The following LTO1 variants were observed in gnomAD, a reference collection of about 807,000 sequenced individuals.
LTO1 encodes the protein protein LTO1 homolog.
In LTO1, 18 loss-of-function variants were observed where a neutral mutation model predicts 19.8. The observed-to-expected ratio is 0.91, with a 90% CI of 0.63 to 1.35. The LOEUF is 1.35. LTO1 is among the 40% of genes most tolerant of loss of function. LTO1 has a pLI of 0.00. For synonymous variants in LTO1, 59 were observed against 59.6 expected (o/e 0.99, Z 0.05); for missense variants, 175 against 167.9 (o/e 1.04, Z -0.23).
At chr11:69,669,744 C>T (rs1289826346) in intron 3 of LTO1, among the ~76,000 whole-genome samples, 2 of 152,174 alleles carry the variant, frequency 1.3e-5, no homozygotes, top group South Asian at 2.1e-4. Flanking sequence ...TGCTCAGCCC[C>T]GGTGCGCGCT....
At chr11:69,671,722 G>A in intron 3 of LTO1, 27 bp downstream of exon 3, 1 of 1,369,854 alleles carries the variant, frequency 7.3e-7, no homozygotes, top group Non-Finnish European at 1.0e-6. Context: ...TTCCTACGCT[G>A]AGAAAGAAAG....
At chr11:69,668,880 T>TA (rs1430791311) in intron 3 of LTO1, among the ~76,000 whole-genome samples, 12 of 151,596 alleles carry the variant, frequency 7.9e-5, no homozygotes, top group Non-Finnish European at 1.3e-4. Context: ...ATACAAAAAT[T>TA]AGATGGGCGT....
intron 2 of LTO1, 161 bp from the exon 3 acceptor site, chr11:69,671,980 A>T (rs376558249): frequency 8.3e-6 from 5 of 604,428 alleles, no homozygotes; most frequent in African/African-American, 7.4e-5. Flanking sequence ...AAATTAGGAA[A>T]TTAGGTCATC....
intron 3 of LTO1, among the ~76,000 whole-genome samples, chr11:69,669,948 C>G (rs1856085118): frequency 6.6e-6 from 1 of 152,022 alleles, no homozygotes; most frequent in Admixed American, 6.5e-5. Flanking sequence ...CTCTTAACAT[C>G]CTTATTTGGA....
intron 3 of LTO1, 132 bp from the exon 4 acceptor site, chr11:69,668,144 T>G: frequency 1.5e-6 from 1 of 659,920 alleles, no homozygotes; most frequent in Admixed American, 2.3e-5. Context: ...GCTGGATGAT[T>G]ATTTTCTCAT....
At chr11:69,673,392 C>T in intron 1 of LTO1, 71 bp from the exon 2 acceptor site, 1 of 1,039,924 alleles carries the variant, frequency 9.6e-7, no homozygotes, top group South Asian at 1.3e-5. Flanking sequence ...ACTTCTCTCT[C>T]TTGTATTACC....
Position 69,667,417 on chromosome 11 carries a change from G to T in LTO1, c.*102C>A. The T allele has an allele frequency of 1.2e-6, 1 of 813,974 alleles. No homozygotes were observed. The highest frequency in any genetic ancestry group is 2.1e-6 in the Non-Finnish European group (1 of 472,380). 50.4% of individuals were successfully genotyped at this position (813,974 alleles called of 1,614,324 possible). A position where few individuals can be genotyped will look rare whatever the true frequency, so the allele number is the denominator to read the frequency against. Reference sequence around the variant, plus strand: ...GAACCGGAACCCTCACCCTCCCAATGAACAACTGCCTTCCCAGCACCGTCT... The same window carrying T: ...GAACCGGAACCCTCACCCTCCCAATTAACAACTGCCTTCCCAGCACCGTCT... On this transcript the variant is annotated 3_prime_UTR_variant, in exon 5 of 5. Coordinates refer to ENST00000279147, the MANE Select transcript of LTO1 (RefSeq NM_153451.3).
chr11:69,670,071 C>T (rs1194245824), intron 3 of LTO1, among the ~76,000 whole-genome samples: 7 of 151,270 alleles, frequency 4.6e-5, no homozygotes, highest in East Asian at 3.9e-4. Flanking sequence ...CACTGCTCTA[C>T]AATAAAGCCT....
intron 3 of LTO1, among the ~76,000 whole-genome samples, chr11:69,668,725 G>A (rs367939730): frequency 4.0e-5 from 6 of 151,466 alleles, no homozygotes; most frequent in South Asian, 2.1e-4. Context: ...AGACTTTCAA[G>A]AGGATTAAAT....
At chr11:69,674,055 A>C (rs968214225) in intron 1 of LTO1, among the ~76,000 whole-genome samples, 1 of 151,888 alleles carries the variant, frequency 6.6e-6, no homozygotes, top group African/African-American at 2.4e-5. Context: ...GGGTTTCACC[A>C]TGTTAGCTAG....
rs1453469102 is a variant in LTO1, at chr11:69,665,904, C to T, written c.*1615G>A. On this transcript the variant is annotated 3_prime_UTR_variant, in exon 5 of 5. Transcript: ENST00000279147. ...GAGTGGTGGCTCATGCCTGCAATTC[C>T]AGCACTTTGGTAGGTGGACGTGGGT... 6.6e-6 allele frequency: 1 copy of T among 152,178 alleles called. No homozygotes were observed. The highest frequency in any genetic ancestry group is 6.5e-5 in the Admixed American group (1 of 15,268). 9.4% of individuals were successfully genotyped at this position (152,178 alleles called of 1,614,324 possible).
chr11:69,668,266 A>G (rs2119836530), intron 3 of LTO1: 1 of 405,994 alleles, frequency 2.5e-6, no homozygotes, highest in Non-Finnish European at 4.5e-6. Flanking sequence ...CCACGGGGCC[A>G]AGGGGCTGAG....
intron 1 of LTO1, among the ~76,000 whole-genome samples, chr11:69,674,395 C>G (rs1789164): frequency 0.72 from 109,126 of 152,172 alleles, 39,889 homozygotes; most frequent in East Asian, 0.9. Context: ...AGTGGAACTG[C>G]CACTATCTTA....
chr11:69,667,778 G>C (rs1185926679), intron 4 of LTO1, 117 bp downstream of exon 4: 4 of 741,212 alleles, frequency 5.4e-6, no homozygotes, highest in African/African-American at 5.2e-5. Flanking sequence ...TCTACGGACA[G>C]TTCCGCGGCG....
chr11:69,667,545 C>A lies in LTO1; in HGVS notation c.388G>T (p.Ala130Ser). Residue 130 changes from alanine to serine, a missense_variant, in exon 5 of 5, where the codon GCA becomes TCA. Transcript: ENST00000279147. ...LNVQPDFKIS[A>S]EGSGLSF ...CAAAATGAAAGTCCGGAACCTTCTG[C>A]ACTAATTTTAAAGTCTGGCTGAACA... The A allele has an allele frequency of 6.2e-7, 1 of 1,611,554 alleles. No homozygotes were observed. Among genetic ancestry groups the A allele is most frequent in the Non-Finnish European group, 8.5e-7 (1 of 1,177,594 alleles).
At chr11:69,670,919 G>C (rs1434196857) in intron 3 of LTO1, among the ~76,000 whole-genome samples, 1 of 151,586 alleles carries the variant, frequency 6.6e-6, no homozygotes. Flanking sequence ...GTTTGTTTTT[G>C]AGAAGGAGTT....
rs553410925 is a variant in LTO1 at position 69,675,026 on chromosome 11, C to A, written c.50+164G>T. The A allele has an allele frequency of 1.1e-5, 8 of 704,818 alleles. No individual in the cohort carries two copies. The Admixed American group carries it at 1.3e-4, about 11-fold the overall frequency. The allele number at this position is 704,818 out of a possible 1,614,324, so 43.7% of individuals were successfully genotyped here. On this transcript the variant is annotated intron_variant, in intron 1 of 4. Coordinates refer to ENST00000279147, the MANE Select transcript of LTO1 (RefSeq NM_153451.3). ...GCGGGCCAGGAGAAGAGGACCAGAG[C>A]ATCAGGCCCACACTTGTCCCTGCGT...
rs1486109720 is a variant in LTO1, at chr11:69,665,941, G to C, written c.*1578C>G. 6.6e-6 allele frequency: 1 copy of C among 152,164 alleles called. No homozygotes were observed. The highest frequency in any genetic ancestry group is 2.4e-5 in the African/African-American group (1 of 41,434). 9.4% of individuals were successfully genotyped at this position (152,164 alleles called of 1,614,324 possible). On this transcript the variant is annotated 3_prime_UTR_variant, in exon 5 of 5. Transcript: ENST00000279147. ...AGGTGGACGTGGGTGGATCATTTCA[G>C]GCTGGGAGTTCAAGACCAGCCTGGC...
Position 69,675,283 on chromosome 11 carries a change from C to T in LTO1, c.-44G>A, listed in dbSNP as rs531152082. On this transcript the variant is annotated 5_prime_UTR_variant, in exon 1 of 5. Coordinates refer to ENST00000279147, the MANE Select transcript of LTO1 (RefSeq NM_153451.3). Reference sequence around the variant, plus strand: ...CTTGGCCCCCGGGTTTCTGCAGCCCCGCGGTGCCGTAGCAGACCCGGCAGC... The same window carrying T: ...CTTGGCCCCCGGGTTTCTGCAGCCCTGCGGTGCCGTAGCAGACCCGGCAGC... 2.8e-6 allele frequency: 4 copies of T among 1,442,344 alleles called. No individual in the cohort carries two copies. The highest frequency in any genetic ancestry group is 1.5e-5 in the African/African-American group (1 of 68,270). 89.3% of individuals were successfully genotyped at this position (1,442,344 alleles called of 1,614,324 possible). A position where few individuals can be genotyped will look rare whatever the true frequency, so the allele number is the denominator to read the frequency against.
Sources: gnomAD v4.1 joint callset for allele counts (sites outside exome capture counted in the v4.1 genomes callset) on GRCh38, gnomAD v4.1.1 for gene constraint, MANE v1.5 for transcripts, NCBI Gene and HGNC (gene_info 2026-07-23, HGNC 2026-07-21) for gene names.